The following NMBR variants were observed in gnomAD, a reference collection of about 807,000 sequenced individuals.
NMBR encodes neuromedin B receptor.
In NMBR, 16 loss-of-function variants were observed where a neutral mutation model predicts 20.5. The observed-to-expected ratio is 0.78, with a 90% CI of 0.53 to 1.19. The LOEUF (loss-of-function observed/expected upper bound fraction) is 1.19, where lower values mean the gene tolerates loss of function less well. Among genes scored for constraint, NMBR ranks in the 50% most tolerant of loss-of-function variants. The pLI is 0.00. For synonymous variants in NMBR, 212 were observed against 196.6 expected (o/e 1.08, Z -0.65); for missense variants, 582 against 499.1 (o/e 1.17, Z -1.58).
Position 142,075,648 on chromosome 6 carries a change from T to A in NMBR, c.1173A>T (p.Ter391CysextTer59), listed in dbSNP as rs1409222935. The A allele has an allele frequency of 6.2e-7, 1 of 1,601,590 alleles. No homozygotes were observed. The highest frequency in any genetic ancestry group is 8.5e-7 in the Non-Finnish European group (1 of 1,172,946). The change falls in exon 4 of 4, where the codon TGA (stop) becomes TGT (cysteine). Residue 391 changes from the stop codon to cysteine, a stop_lost. Coordinates refer to ENST00000258042, the MANE Select transcript of NMBR (RefSeq NM_002511.4). ...CAGGTAGTGAGTTGAATGGCCAAAA[T>A]CACAGTGCCATTTCCTGCTTCATGC... ...GHSMKQEMAL[*>C]
intron 1 of NMBR, among the ~76,000 whole-genome samples, chr6:142,108,278 A>G (rs1037376785): frequency 6.6e-6 from 1 of 152,210 alleles, no homozygotes; most frequent in Non-Finnish European, 1.5e-5. Flanking sequence ...ACACTTAGAC[A>G]TATCAAAGTA....
intron 1 of NMBR, among the ~76,000 whole-genome samples, chr6:142,110,271 C>A (rs1777738337): frequency 6.6e-6 from 1 of 152,094 alleles, no homozygotes; most frequent in Non-Finnish European, 1.5e-5. Flanking sequence ...AACCTATATA[C>A]ACATCATCAC....
chr6:142,133,354 A>C (rs1778180002), intron 1 of NMBR, among the ~76,000 whole-genome samples: 1 of 152,166 alleles, frequency 6.6e-6, no homozygotes, highest in South Asian at 2.1e-4. Flanking sequence ...TAAAACTATA[A>C]AGAGAAAAAT....
chr6:142,077,384 C>T (rs1259171533), intron 3 of NMBR, among the ~76,000 whole-genome samples: 1 of 152,144 alleles, frequency 6.6e-6, no homozygotes, highest in Non-Finnish European at 1.5e-5. Context: ...AGCAAATACT[C>T]AAATACCTAA....
At chr6:142,099,926 C>T (rs571312115) in intron 1 of NMBR, among the ~76,000 whole-genome samples, 1 of 152,062 alleles carries the variant, frequency 6.6e-6, no homozygotes, top group Admixed American at 6.6e-5. Flanking sequence ...GACATCTCAC[C>T]AAAGAAGATA....
chr6:142,144,733 T>G (rs1183549362), intron 1 of NMBR, among the ~76,000 whole-genome samples: 1 of 152,178 alleles, frequency 6.6e-6, no homozygotes, highest in Non-Finnish European at 1.5e-5. Context: ...ATCAAATCAA[T>G]TATCATCTCA....
intron 1 of NMBR, among the ~76,000 whole-genome samples, chr6:142,119,132 G>C (rs1777901544): frequency 6.6e-6 from 1 of 151,976 alleles, no homozygotes; most frequent in African/African-American, 2.4e-5. Context: ...GCCAGTTACT[G>C]GTTATGCGTC....
At chr6:142,084,110 T>C (rs1490998752) in intron 2 of NMBR, among the ~76,000 whole-genome samples, 3 of 152,086 alleles carry the variant, frequency 2.0e-5, no homozygotes, top group Admixed American at 6.6e-5. Context: ...CAGCAAACAG[T>C]TAACAGCACT....
chr6:142,086,614 A>ATC (rs886164320), intron 2 of NMBR, among the ~76,000 whole-genome samples: 38 of 152,250 alleles, frequency 2.5e-4, no homozygotes, highest in Middle Eastern at 3.4e-3. Flanking sequence ...TAGAAGAGGC[A>ATC]TCTCACCTTT....
chr6:142,077,709 T>C (rs1168956634), intron 3 of NMBR, among the ~76,000 whole-genome samples: 4 of 152,216 alleles, frequency 2.6e-5, no homozygotes, highest in Non-Finnish European at 4.4e-5. Context: ...TATGTTCTAG[T>C]AAATTTTAAA....
intron 1 of NMBR, among the ~76,000 whole-genome samples, chr6:142,146,576 T>C (rs536997373): frequency 4.6e-5 from 7 of 151,736 alleles, no homozygotes; most frequent in East Asian, 1.9e-4. Context: ...ATAATAAATA[T>C]GAAAATACTT....
chr6:142,109,743 TA>T, intron 1 of NMBR, among the ~76,000 whole-genome samples: 1 of 152,068 alleles, frequency 6.6e-6, no homozygotes, highest in Non-Finnish European at 1.5e-5. Flanking sequence ...AACTAATTCC[TA>T]GGGGTATTGT....
chr6:142,076,097 C>G (rs758429612), intron 3 of NMBR, 48 bp from the exon 4 acceptor site: 2 of 1,490,826 alleles, frequency 1.3e-6, no homozygotes, highest in East Asian at 4.6e-5. Context: ...AAAATGGAAC[C>G]AGCCACATAC....
At chr6:142,090,116 G>A (rs2114568545) in intron 1 of NMBR, among the ~76,000 whole-genome samples, 1 of 152,154 alleles carries the variant, frequency 6.6e-6, no homozygotes, top group South Asian at 2.1e-4. Flanking sequence ...TTGTCCCTAA[G>A]CACAAAACAG....
At chr6:142,136,676 G>C (rs1778263573) in intron 1 of NMBR, among the ~76,000 whole-genome samples, 1 of 152,172 alleles carries the variant, frequency 6.6e-6, no homozygotes, top group South Asian at 2.1e-4. Flanking sequence ...TTTTGTATAA[G>C]GTGTAAGGAA....
chr6:142,091,947 C>T (rs1777333044), intron 1 of NMBR, among the ~76,000 whole-genome samples: 1 of 152,102 alleles, frequency 6.6e-6, no homozygotes, highest in Non-Finnish European at 1.5e-5. Flanking sequence ...GAAATTTAAA[C>T]CAATTTTGTA....
intron 2 of NMBR, among the ~76,000 whole-genome samples, chr6:142,087,639 A>C (rs1562234405): frequency 2.6e-5 from 4 of 152,218 alleles, no homozygotes; most frequent in African/African-American, 9.6e-5. Flanking sequence ...GGAAAAAAAA[A>C]GTCTCTTAGC....
intron 1 of NMBR, among the ~76,000 whole-genome samples, chr6:142,129,744 T>C (rs1490734270): frequency 6.6e-6 from 1 of 152,154 alleles, no homozygotes; most frequent in East Asian, 1.9e-4. Context: ...TATATAGTAG[T>C]CTGTATAACA....
chr6:142,115,437 C>T (rs1777834258), intron 1 of NMBR, among the ~76,000 whole-genome samples: 1 of 151,870 alleles, frequency 6.6e-6, no homozygotes, highest in South Asian at 2.1e-4. Context: ...ACTAGAAAGG[C>T]CAACGTGTGG....
Sources: allele counts gnomAD v4.1 joint callset (sites outside exome capture counted in the v4.1 genomes callset), GRCh38; gene constraint gnomAD v4.1.1; transcripts MANE v1.5; gene names NCBI Gene and HGNC (gene_info 2026-07-23, HGNC 2026-07-21).